The following SERPINB7 variants were observed in gnomAD, a reference collection of about 807,000 sequenced individuals.
SERPINB7 encodes serpin family B member 7, also known as serpin B7.
Under a neutral mutation model 37.4 loss-of-function variants are expected in SERPINB7, and 31 were observed. That is an observed-to-expected ratio of 0.83 (90% CI 0.62 to 1.12). SERPINB7 has a LOEUF of 1.12. SERPINB7 is among the 50% of genes most tolerant of loss of function. The pLI is 0.00. For synonymous variants in SERPINB7, 163 were observed against 166.1 expected (o/e 0.98, Z 0.14); for missense variants, 521 against 455.3 (o/e 1.14, Z -1.31).
chr18:63,758,321 C>CT (rs899670988), intron 1 of SERPINB7, among the ~76,000 whole-genome samples: 1 of 152,174 alleles, frequency 6.6e-6, no homozygotes, highest in Non-Finnish European at 1.5e-5. Context: ...GAACAGATAT[C>CT]TTTTTCCTCA....
chr18:63,757,954 A>G (rs1418261610), intron 1 of SERPINB7, among the ~76,000 whole-genome samples: 1 of 152,200 alleles, frequency 6.6e-6, no homozygotes, highest in Admixed American at 6.5e-5. Context: ...CTTCATCAGG[A>G]GGATCAGAAG....
At chr18:63,756,997 A>T (rs1171350458) in intron 1 of SERPINB7, among the ~76,000 whole-genome samples, 1 of 152,082 alleles carries the variant, frequency 6.6e-6, no homozygotes, top group African/African-American at 2.4e-5. Flanking sequence ...CCATGTTAAG[A>T]GTTAGTAGTA....
At chr18:63,776,835 T>C (rs766475679) in intron 1 of SERPINB7, among the ~76,000 whole-genome samples, 1 of 151,930 alleles carries the variant, frequency 6.6e-6, no homozygotes, top group Non-Finnish European at 1.5e-5. Flanking sequence ...AATTTGCTCA[T>C]TTTTTGGATA....
chr18:63,765,408 AC>A (rs2049175568), intron 1 of SERPINB7, among the ~76,000 whole-genome samples: 2 of 151,952 alleles, frequency 1.3e-5, no homozygotes, highest in Non-Finnish European at 2.9e-5. Flanking sequence ...TGTTCAAATA[AC>A]CTGTCTTTTG....
At chr18:63,801,076 T>A (rs1297105458) in intron 7 of SERPINB7, 64 bp downstream of exon 7, 1 of 1,481,252 alleles carries the variant, frequency 6.8e-7, no homozygotes, top group Non-Finnish European at 9.3e-7. Flanking sequence ...TTGATTGAGT[T>A]TTCACTGATA....
Position 63,755,825 on chromosome 18 carries a change from T to C in SERPINB7, c.-19+2705T>C, listed in dbSNP as rs116391985. Reference sequence around the variant, plus strand: ...GTGAGAATTGCTTGAACCCAGAAGTTTGAGGCAGCAATGAGCTGTGATGAT... The same window carrying C: ...GTGAGAATTGCTTGAACCCAGAAGTCTGAGGCAGCAATGAGCTGTGATGAT... On this transcript the variant is annotated intron_variant, in intron 1 of 7. Transcript: ENST00000336429. 3.5e-3 allele frequency among the ~76,000 whole-genome samples: 536 copies of C among 152,236 alleles called. 2 individuals are homozygous for C. The highest frequency in any genetic ancestry group is 0.012 in the African/African-American group (484 of 41,542).
At position 63,803,780 on chromosome 18, in the gene SERPINB7, C is replaced by A. The variant is rs113979149; in HGVS notation, c.745-457C>A. Among the ~76,000 whole-genome samples, 1,407 of 152,308 alleles carry A rather than the reference C, an allele frequency of 9.2e-3. 26 individuals carry two copies. The highest frequency in any genetic ancestry group is 0.032 in the African/African-American group (1,323 of 41,558). ...GGCTGGAGCTCTGGCCTCCTTGCCT[C>A]AGGCCACGTGGGGTTCCTTTGGTTT... On this transcript the variant is annotated intron_variant, in intron 7 of 7. Transcript: ENST00000398019.
At chr18:63,802,949 TC>T (rs1037635619) in intron 7 of SERPINB7, among the ~76,000 whole-genome samples, 2 of 152,162 alleles carry the variant, frequency 1.3e-5, no homozygotes, top group African/African-American at 4.8e-5. Flanking sequence ...AAAATATTGG[TC>T]CTCATATTAA....
chr18:63,780,012 G>T (rs1461963281), intron 1 of SERPINB7, among the ~76,000 whole-genome samples: 2 of 151,988 alleles, frequency 1.3e-5, no homozygotes, highest in African/African-American at 2.4e-5. Context: ...GTGCAAGCAG[G>T]TTTCTAAACA....
upstream of SERPINB7, among the ~76,000 whole-genome samples, chr18:63,772,071 T>G (rs1173245253): frequency 6.6e-6 from 1 of 152,032 alleles, no homozygotes; most frequent in Non-Finnish European, 1.5e-5. Flanking sequence ...CTCTCTTAGG[T>G]AATAAGCGTA....
intron 2 of SERPINB7, among the ~76,000 whole-genome samples, chr18:63,783,281 A>G (rs895185535): frequency 1.3e-5 from 2 of 149,184 alleles, no homozygotes; most frequent in African/African-American, 4.9e-5. Context: ...AAAGAAAGAA[A>G]GAAAGAAAGA....
rs189807702 is a variant in SERPINB7, at chr18:63,804,218, C to G, written c.745-19C>G. ...ACTTGACCATATGATTCTAAATTAT[C>G]TCTGAATTATTTTTACAGATTGAAA... On this transcript the variant is annotated intron_variant, in intron 7 of 7. Transcript: ENST00000398019. 2,154 of 1,505,080 alleles carry G rather than the reference C, an allele frequency of 1.4e-3. 47 individuals carry two copies. The Admixed American group carries it at 0.031, about 21-fold the overall frequency. 93.2% of individuals were successfully genotyped at this position (1,505,080 alleles called of 1,614,324 possible). A position where few individuals can be genotyped will look rare whatever the true frequency, so the allele number is the denominator to read the frequency against.
chr18:63,776,059 C>T (rs2049244393), intron 1 of SERPINB7, among the ~76,000 whole-genome samples: 1 of 151,964 alleles, frequency 6.6e-6, no homozygotes, highest in Non-Finnish European at 1.5e-5. Context: ...GCTTGGTGTC[C>T]CAGCCCATTG....
At chr18:63,776,527 G>C (rs2049250016) in intron 1 of SERPINB7, among the ~76,000 whole-genome samples, 1 of 151,584 alleles carries the variant, frequency 6.6e-6, no homozygotes, top group Non-Finnish European at 1.5e-5. Flanking sequence ...ATTTCAGACA[G>C]TCTTGAGAAG....
In SERPINB7 at chr18:63,804,291, A is replaced by G; in HGVS notation, c.799A>G (p.Met267Val). 1 of 1,607,220 alleles carries G rather than the reference A, an allele frequency of 6.2e-7. No individual in the cohort carries two copies. Among genetic ancestry groups the G allele is most frequent in the Non-Finnish European group, 8.5e-7 (1 of 1,177,708 alleles). ...NLMEWTNPRR[M>V]TSKYVEVFFP... is the part of the protein sequence containing the mutation. ...AATGGAATGGACCAATCCAAGGCGAATGACCTCTAAGTATGTTGAGGTATT... is the reference window on the plus strand; with the variant it reads ...AATGGAATGGACCAATCCAAGGCGAGTGACCTCTAAGTATGTTGAGGTATT... The change falls in exon 8 of 8, where the codon ATG (methionine) becomes GTG (valine). Residue 267 changes from methionine (M) to valine (V), a missense_variant. Transcript: ENST00000398019.
chr18:63,796,273 T>G lies in SERPINB7; in HGVS notation c.344T>G (p.Ile115Ser). Reference protein sequence around the residue: ...EKVYGFHKDYIECAEKLYDAK... With the variant: ...EKVYGFHKDYSECAEKLYDAK... ...CTATATTCTTCTTTATAGGACTACA[T>G]TGAGTGTGCCGAAAAATTATACGAT... Residue 115 changes from isoleucine to serine, a missense_variant, in exon 5 of 8, where the codon ATT becomes AGT. Coordinates refer to ENST00000398019, the MANE Select transcript of SERPINB7 (RefSeq NM_003784.4). 3 of 1,597,154 alleles carry G rather than the reference T, an allele frequency of 1.9e-6. No individual in the cohort carries two copies. The highest frequency in any genetic ancestry group is 2.7e-5 in the African/African-American group (2 of 74,696).
chr18:63,761,925 C>A (rs533590533), intron 1 of SERPINB7, among the ~76,000 whole-genome samples: 5 of 152,162 alleles, frequency 3.3e-5, no homozygotes, highest in Admixed American at 2.6e-4. Context: ...GCTGGGGCCA[C>A]CTCTCTGTCT....
At chr18:63,782,582 T>C (rs774618160) in intron 2 of SERPINB7, 42 bp downstream of exon 2, 2 of 1,537,708 alleles carry the variant, frequency 1.3e-6, no homozygotes. Context: ...GACAAATTGT[T>C]TTTCCCACGA....
intron 1 of SERPINB7, among the ~76,000 whole-genome samples, chr18:63,759,290 C>T (rs1233747996): frequency 6.6e-6 from 1 of 150,844 alleles, no homozygotes; most frequent in Non-Finnish European, 1.5e-5. Flanking sequence ...ATGCCATTAC[C>T]TGGAGCATTG....
Sources: gnomAD v4.1 joint callset for allele counts (sites outside exome capture counted in the v4.1 genomes callset) on GRCh38, gnomAD v4.1.1 for gene constraint, MANE v1.5 for transcripts, NCBI Gene and HGNC (gene_info 2026-07-23, HGNC 2026-07-21) for gene names.